The following MPIG6B variants were observed in gnomAD, a reference collection of about 807,000 sequenced individuals.
The protein encoded by MPIG6B is immunoglobulin receptor.
MPIG6B carries 22 observed loss-of-function variants against 24.2 expected under a neutral mutation model. The observed-to-expected ratio is 0.91, with a 90% CI of 0.65 to 1.30. The LOEUF (loss-of-function observed/expected upper bound fraction) is 1.30, where lower values mean the gene tolerates loss of function less well. MPIG6B is among the 50% of genes most tolerant of loss of function. The pLI is 0.00. For synonymous variants in MPIG6B, 136 were observed against 142.0 expected (o/e 0.96, Z 0.30); for missense variants, 301 against 318.5 (o/e 0.94, Z 0.42).
chr6:31,722,670 C>T (rs766721408), upstream of MPIG6B, among the ~76,000 whole-genome samples: 7 of 151,644 alleles, frequency 4.6e-5, no homozygotes, highest in Non-Finnish European at 1.0e-4. Context: ...TCCTGGCCAA[C>T]ATGGTGAAAC....
rs35125371 is a variant in MPIG6B, at chr6:31,725,330, CTTT to C, written c.*270_*272del. On this transcript the variant is annotated 3_prime_UTR_variant, in exon 6 of 6. Transcript: ENST00000649779. This position sits in a 1 kb window ranked among gnomAD's most constrained non-coding sequence, Gnocchi z 5.2. ...TCTATACCCAATCAAGCCCTAGCTC[CTTT>C]TTTTTTTTTTTTTGAGACGGAGTCT... is the stretch of plus-strand genomic sequence containing the variant. 7.5e-3 allele frequency: 2,473 copies of C among 330,138 alleles called. No individual in the cohort carries two copies. The highest frequency in any genetic ancestry group is 0.012 in the South Asian group (189 of 15,886). 20.5% of individuals were successfully genotyped at this position (330,138 alleles called of 1,614,324 possible).
In MPIG6B at chr6:31,723,639, C is replaced by T. The variant is rs146950118; in HGVS notation, c.62C>T (p.Ala21Val). 2.4e-5 allele frequency: 38 copies of T among 1,561,378 alleles called. No individual in the cohort carries two copies. The Middle Eastern group carries it at 5.2e-4, about 21-fold the overall frequency. Reference protein sequence around the residue: ...LLSRAQGNPGASLDGRPGDRV... With the variant: ...LLSRAQGNPGVSLDGRPGDRV... The stretch of plus-strand genomic sequence containing the variant: ...AACCACAGCCTCCGGCCTCTCCTAG[C>T]TTCTCTGGACGGCCGCCCTGGGGAC... The change falls in exon 2 of 6, where the codon GCT becomes GTT. Residue 21 changes from alanine to valine, a missense_variant and splice_region_variant. Coordinates refer to ENST00000649779, the MANE Select transcript of MPIG6B (RefSeq NM_138272.3). The surrounding 1 kb of genome is among the most constrained non-coding windows in gnomAD (Gnocchi z 4.3).
Position 31,724,484 on chromosome 6 carries a change from G to C in MPIG6B, c.501-103G>C, listed in dbSNP as rs569532604. ...GTGGGGTAGAGTCTAAGTTGTTTCC[G>C]GTCTGAGCCTTCAAGTTGCTGGGCT... is the stretch of plus-strand genomic sequence containing the variant. On this transcript the variant is annotated intron_variant, in intron 3 of 5. Transcript: ENST00000649779. The C allele has an allele frequency of 1.9e-5, 19 of 1,025,142 alleles. No individual in the cohort carries two copies. In the African/African-American group the frequency reaches 3.0e-4, roughly 16 times the overall value. 63.5% of individuals were successfully genotyped at this position (1,025,142 alleles called of 1,614,324 possible).
upstream of MPIG6B, among the ~76,000 whole-genome samples, chr6:31,722,320 A>G (rs983982331): frequency 2.0e-5 from 3 of 152,200 alleles, no homozygotes; most frequent in African/African-American, 7.2e-5. Context: ...CAGGAGAGCC[A>G]CCACAGGTCT....
chr6:31,724,269 T>TGACCAGAGGTGGAAGGGGCAG, intron 3 of MPIG6B, 37 bp downstream of exon 3: 1 of 1,502,592 alleles, frequency 6.7e-7, no homozygotes, highest in South Asian at 1.1e-5. Flanking sequence ...AAATGGGGAG[T>TGACCAGAGGTGGAAGGGGCAG]GACCAGAGGT....
upstream of MPIG6B, chr6:31,721,691 T>A (rs1806798875): frequency 6.2e-7 from 1 of 1,613,916 alleles, no homozygotes; most frequent in Non-Finnish European, 8.5e-7. Flanking sequence ...GCGAGGGTCC[T>A]GAGAATGGTG....
intron 3 of MPIG6B, 65 bp from the exon 4 acceptor site, chr6:31,724,522 G>T: frequency 7.2e-7 from 1 of 1,389,340 alleles, no homozygotes; most frequent in Non-Finnish European, 1.0e-6. Flanking sequence ...CCTTGGCGTG[G>T]CGAGTCCCAG....
chr6:31,723,570 G>A lies in MPIG6B; in HGVS notation c.62-69G>A. 1 of 1,427,536 alleles carries A rather than the reference G, an allele frequency of 7.0e-7. No individual in the cohort carries two copies. The highest frequency in any genetic ancestry group is 9.6e-7 in the Non-Finnish European group (1 of 1,042,776). 88.4% of individuals were successfully genotyped at this position (1,427,536 alleles called of 1,614,324 possible). On this transcript the variant is annotated intron_variant, in intron 1 of 5. Coordinates refer to ENST00000649779, the MANE Select transcript of MPIG6B (RefSeq NM_138272.3). This position sits in a 1 kb window ranked among gnomAD's most constrained non-coding sequence, Gnocchi z 4.3. Reference sequence around the variant, plus strand: ...TGGAGTGCAGAACAGAGAAGAGAAAGAGGAGACGGGATGGAGGGTCGTCTT... The same window carrying A: ...TGGAGTGCAGAACAGAGAAGAGAAAAAGGAGACGGGATGGAGGGTCGTCTT...
At position 31,724,809 on chromosome 6, in the gene MPIG6B, G is replaced by A. The variant is rs1026300323; in HGVS notation, c.586G>A (p.Glu196Lys). The part of the protein sequence containing the change: ...TEPQRPVKEE[E>K]PKIPGDLDQE... The stretch of plus-strand genomic sequence containing the variant: ...GCCCCAGAGGCCAGTAAAGGAGGAA[G>A]AGCCCAAGATTCCAGGGGACCTGGA... The change falls in exon 5 of 6, where the codon GAG becomes AAG. Residue 196 changes from glutamate to lysine, a missense_variant. Glu to Lys is a moderately conservative substitution (Grantham distance 56). Coordinates refer to ENST00000649779, the MANE Select transcript of MPIG6B (RefSeq NM_138272.3). 1.2e-6 allele frequency: 2 copies of A among 1,613,876 alleles called. No individual in the cohort carries two copies. The highest frequency in any genetic ancestry group is 1.7e-6 in the Non-Finnish European group (2 of 1,180,026).
Position 31,724,863 on chromosome 6 carries a change from G to GA in MPIG6B, c.621+21dup, listed in dbSNP as rs770011769. On this transcript the variant is annotated intron_variant, in intron 5 of 5. Transcript: ENST00000649779. ...GGAACCGGTAAGGGCATGGGGATGG[G>GA]AAGGGGATAGCCAGAATCTCTGAGG... 7 of 1,613,266 alleles carry GA rather than the reference G, an allele frequency of 4.3e-6. No individual in the cohort carries two copies. In the African/African-American group the frequency reaches 5.3e-5, roughly 12 times the overall value.
intron 5 of MPIG6B, 24 bp downstream of exon 5, chr6:31,724,868 G>T: frequency 1.2e-6 from 2 of 1,613,128 alleles, no homozygotes; most frequent in African/African-American, 1.3e-5. Flanking sequence ...GATGGGAAGG[G>T]GATAGCCAGA....
At position 31,725,323 on chromosome 6, in the gene MPIG6B, C is replaced by T. The variant is rs961343509; in HGVS notation, c.*249C>T. ...TGTCCTCTCTATACCCAATCAAGCC[C>T]TAGCTCCTTTTTTTTTTTTTTTTGA... is the stretch of plus-strand genomic sequence containing the variant. On this transcript the variant is annotated 3_prime_UTR_variant, in exon 6 of 6. Transcript: ENST00000649779. This position sits in a 1 kb window ranked among gnomAD's most constrained non-coding sequence, Gnocchi z 5.2. 14 of 477,886 alleles carry T rather than the reference C, an allele frequency of 2.9e-5. No individual in the cohort carries two copies. The highest frequency in any genetic ancestry group is 4.8e-5 in the Non-Finnish European group (13 of 272,332). 29.6% of individuals were successfully genotyped at this position (477,886 alleles called of 1,614,324 possible).
Position 31,725,483 on chromosome 6 carries a change from A to C in MPIG6B, c.*409A>C. The C allele has an allele frequency of 5.8e-6, 1 of 171,506 alleles. No homozygotes were observed. Among genetic ancestry groups the C allele is most frequent in the Non-Finnish European group, 1.2e-5 (1 of 80,946 alleles). 10.6% of individuals were successfully genotyped at this position (171,506 alleles called of 1,614,324 possible). On this transcript the variant is annotated 3_prime_UTR_variant, in exon 6 of 6. Transcript: ENST00000649779. The surrounding 1 kb of genome is among the most constrained non-coding windows in gnomAD (Gnocchi z 5.2). ...GCTGGGACTACAGGCGCCCGCCACC[A>C]CGCCCAGCTAATTTTTTGTATTTTT...
upstream of MPIG6B, chr6:31,723,149 C>A: frequency 3.4e-6 from 2 of 595,400 alleles, no homozygotes; most frequent in South Asian, 3.9e-5. This position sits in a 1 kb window ranked among gnomAD's most constrained non-coding sequence, Gnocchi z 4.3. Context: ...GTTAAGCAGG[C>A]CAAAGCATTT....
chr6:31,723,297 T>G, upstream of MPIG6B: 1 of 898,740 alleles, frequency 1.1e-6, no homozygotes, highest in Non-Finnish European at 1.8e-6. The surrounding 1 kb of genome is among the most constrained non-coding windows in gnomAD (Gnocchi z 4.3). Context: ...CCCTCCGTTC[T>G]CCCCACGCCT....
chr6:31,722,949 G>A (rs1368640653), upstream of MPIG6B: 10 of 238,408 alleles, frequency 4.2e-5, no homozygotes, highest in African/African-American at 2.1e-4. Context: ...ACTTTATTTC[G>A]TTATCACAAT....
In MPIG6B at chr6:31,725,280, T is replaced by G. The variant is rs1451381029; in HGVS notation, c.*206T>G. 1.7e-6 allele frequency: 1 copy of G among 578,624 alleles called. No homozygotes were observed. Among genetic ancestry groups the G allele is most frequent in the African/African-American group, 1.9e-5 (1 of 53,206 alleles). 35.8% of individuals were successfully genotyped at this position (578,624 alleles called of 1,614,324 possible). On this transcript the variant is annotated 3_prime_UTR_variant, in exon 6 of 6. Coordinates refer to ENST00000649779, the MANE Select transcript of MPIG6B (RefSeq NM_138272.3). This position sits in a 1 kb window ranked among gnomAD's most constrained non-coding sequence, Gnocchi z 5.2. ...ACTCCCATCTCTCCTATAACCTCCATGTCTCCCTCACCACCAGTGTCCTCT... is the reference window on the plus strand; with the variant it reads ...ACTCCCATCTCTCCTATAACCTCCAGGTCTCCCTCACCACCAGTGTCCTCT...
intron 2 of MPIG6B, 23 bp downstream of exon 2, chr6:31,724,009 A>G: frequency 6.4e-7 from 1 of 1,560,022 alleles, no homozygotes; most frequent in Non-Finnish European, 8.7e-7. Flanking sequence ...CTGTGCGCAC[A>G]AGGGTACTTA....
upstream of MPIG6B, chr6:31,720,955 C>T (rs185318724): frequency 6.6e-6 from 1 of 152,426 alleles, no homozygotes; most frequent in East Asian, 1.9e-4. The surrounding 1 kb of genome is among the most constrained non-coding windows in gnomAD (Gnocchi z 4.9). Flanking sequence ...AAGTGTACCT[C>T]AGTGAAATCC....
Sources: allele counts gnomAD v4.1 joint callset (sites outside exome capture counted in the v4.1 genomes callset), GRCh38; gene constraint gnomAD v4.1.1; non-coding constraint Gnocchi (gnomAD v3.1); transcripts MANE v1.5; gene names NCBI Gene and HGNC (gene_info 2026-07-23, HGNC 2026-07-21).